ATXN2L: variants seen among roughly 807,000 people sequenced by gnomAD.
ATXN2L encodes ataxin 2 like.
In ATXN2L, 24 loss-of-function variants were observed where a neutral mutation model predicts 120.7. The ratio of observed to expected loss-of-function variants is 0.20; its 90% CI spans 0.14 to 0.28. The LOEUF is 0.28. Ranked by LOEUF, ATXN2L falls within the 10% of genes least tolerant of loss-of-function variation. The probability of loss-of-function intolerance (pLI) is 1.00; values close to 1 mark genes in which losing one functional copy is unlikely to be tolerated. For synonymous variants in ATXN2L, 653 were observed against 568.1 expected (o/e 1.15, Z -2.13); for missense variants, 1,312 against 1,432.3 (o/e 0.92, Z 1.36).
chr16:28,826,378 T>C lies in ATXN2L; in HGVS notation c.604T>C (p.Tyr202His). The change falls in exon 5 of 22, where the codon TAT (tyrosine) becomes CAT (histidine). Residue 202 changes from tyrosine to histidine, a missense_variant. Tyr to His is a moderately conservative substitution (Grantham distance 83, BLOSUM62 2). Coordinates refer to ENST00000336783, the MANE Select transcript of ATXN2L (RefSeq NM_007245.4). ...TCACTTCCGAAATGTTGACTTCAAC[T>C]ATGCTACTAAAGGTATTGTCCTAGG... ...LVHFRNVDFN[Y>H]ATKDKFTDSA... 6.2e-7 allele frequency: 1 copy of C among 1,614,206 alleles called. No homozygotes were observed. The highest frequency in any genetic ancestry group is 8.5e-7 in the Non-Finnish European group (1 of 1,180,022).
At chr16:28,824,878 C>G (rs146601305) in intron 1 of ATXN2L, among the ~76,000 whole-genome samples, 3 of 152,028 alleles carry the variant, frequency 2.0e-5, no homozygotes, top group Non-Finnish European at 4.4e-5. Context: ...TTATTAATGT[C>G]TATTTTTTTC....
chr16:28,824,113 C>T, intron 1 of ATXN2L: 3 of 1,015,508 alleles, frequency 3.0e-6, no homozygotes, highest in African/African-American at 1.7e-5. Context: ...GGGAGGACTG[C>T]GGGCCGGGAG....
At chr16:28,826,182 T>C in intron 4 of ATXN2L, 58 bp from the exon 5 acceptor site, 1 of 1,594,236 alleles carries the variant, frequency 6.3e-7, no homozygotes, top group Non-Finnish European at 8.6e-7. Flanking sequence ...CCAGTTCTAT[T>C]TTTGCCTTCA....
Position 28,836,609 on chromosome 16 carries a change from C to G in ATXN2L, c.*344C>G. ...TGTGCTTCTGACAGCCCCCGAGACA[C>G]CTTGAGGAGGCCGCTCCTTCCCAGA... On this transcript the variant is annotated 3_prime_UTR_variant, in exon 22 of 22. Transcript: ENST00000336783. 4 of 1,592,224 alleles carry G rather than the reference C, an allele frequency of 2.5e-6. No individual in the cohort carries two copies. The South Asian group carries it at 3.4e-5, about 13-fold the overall frequency.
At chr16:28,824,082 GGGACGGAAGGAGGGATGACTGGGA>G (rs2050719785) in intron 1 of ATXN2L, 1 of 1,005,570 alleles carries the variant, frequency 9.9e-7, no homozygotes, top group African/African-American at 1.7e-5. Context: ...GGTGGGCGGG[GGGACGGAAGGAGGGATGACTGGGA>G]GGACTGCGGG....
At chr16:28,831,105 G>T in intron 10 of ATXN2L, 33 bp downstream of exon 10, 2 of 1,428,264 alleles carry the variant, frequency 1.4e-6, no homozygotes. Context: ...TGAAGAAATG[G>T]ATGGAAATTT....
At chr16:28,826,661 T>C in intron 5 of ATXN2L, 1 of 674,206 alleles carries the variant, frequency 1.5e-6, no homozygotes, top group Non-Finnish European at 2.3e-6. Flanking sequence ...CTTTTTTCTT[T>C]GGAATCATAG....
chr16:28,825,557 A>AT (rs1483024253), intron 2 of ATXN2L, 67 bp from the exon 3 acceptor site: 1 of 1,568,074 alleles, frequency 6.4e-7, no homozygotes, highest in Non-Finnish European at 8.8e-7. Context: ...TGCGGCGGGC[A>AT]TTTAGAAAAG....
rs1404739325 is a variant in ATXN2L at position 28,832,264 on chromosome 16, T to G, written c.1381T>G (p.Ser461Ala). 1 of 1,614,050 alleles carries G rather than the reference T, an allele frequency of 6.2e-7. No homozygotes were observed. Among genetic ancestry groups the G allele is most frequent in the Non-Finnish European group, 8.5e-7 (1 of 1,180,040 alleles). Residue 461 changes from serine to alanine, a missense_variant, in exon 11 of 22, where the codon TCC (serine) becomes GCC (alanine). Coordinates refer to ENST00000336783, the MANE Select transcript of ATXN2L (RefSeq NM_007245.4). ...TGCTGCCCCTGCCCCAATCTCAGCT[T>G]CCTGTCCAGAGCCTCCCATCGGCTC... is the stretch of plus-strand genomic sequence containing the variant. ...KSAAPAPISA[S>A]CPEPPIGSAV... is the part of the protein sequence containing the mutation.
At chr16:28,827,480 C>G (rs184625656) in intron 6 of ATXN2L, among the ~76,000 whole-genome samples, 1 of 152,152 alleles carries the variant, frequency 6.6e-6, no homozygotes, top group Non-Finnish European at 1.5e-5. Context: ...ATTAACCACT[C>G]CTAGCATTTG....
At chr16:28,823,742 C>T in intron 1 of ATXN2L, 184 bp downstream of exon 1, 1 of 581,094 alleles carries the variant, frequency 1.7e-6, no homozygotes, top group Non-Finnish European at 2.5e-6. Flanking sequence ...CGGGCGGCCA[C>T]CGGAGCACTG....
chr16:28,827,755 C>G (rs1023674562), intron 6 of ATXN2L, among the ~76,000 whole-genome samples: 1 of 151,996 alleles, frequency 6.6e-6, no homozygotes, highest in African/African-American at 2.4e-5. Context: ...AAATAAAAAC[C>G]GCTCATGAAT....
Position 28,833,103 on chromosome 16 carries a change from T to C in ATXN2L, c.1704T>C (p.Pro568=). The C allele has an allele frequency of 1.9e-6, 3 of 1,614,190 alleles. No individual in the cohort carries two copies. Among genetic ancestry groups the C allele is most frequent in the Non-Finnish European group, 2.5e-6 (3 of 1,180,010 alleles). Residue 568 remains proline, a synonymous_variant, in exon 14 of 22, where the codon CCT becomes CCC. Transcript: ENST00000336783. ...CTGAGAACAGCCTGGATCCTTTTCC[T>C]CCCCGGATCTTAAAGGAGGAGCCCA... is the stretch of plus-strand genomic sequence containing the variant. ...SSPENSLDPF[P]PRILKEEPKG... is the part of the protein sequence containing the mutation.
Position 28,835,041 on chromosome 16 carries a change from T to C in ATXN2L, c.2434-17T>C, listed in dbSNP as rs1231256642. ...AGCTGGCGGCTGTGCCAACCACTCC[T>C]CTCTCTGTCCCGCCAGCCGGTGTTT... On this transcript the variant is annotated splice_polypyrimidine_tract_variant and intron_variant, in intron 18 of 21. Coordinates refer to ENST00000336783, the MANE Select transcript of ATXN2L (RefSeq NM_007245.4). The C allele has an allele frequency of 6.2e-7, 1 of 1,602,842 alleles. No individual in the cohort carries two copies. The highest frequency in any genetic ancestry group is 8.5e-7 in the Non-Finnish European group (1 of 1,174,026).
At chr16:28,826,052 T>C (rs931396352) in intron 4 of ATXN2L, 188 bp from the exon 5 acceptor site, 1 of 832,024 alleles carries the variant, frequency 1.2e-6, no homozygotes, top group Non-Finnish European at 1.8e-6. Flanking sequence ...TGTGAGACTT[T>C]TGCTAAGTCC....
At chr16:28,828,959 TCTC>T (rs1469766618) in intron 6 of ATXN2L, among the ~76,000 whole-genome samples, 1 of 152,084 alleles carries the variant, frequency 6.6e-6, no homozygotes, top group Non-Finnish European at 1.5e-5. Context: ...GTCAGGTTGA[TCTC>T]CTGACCTCAG....
At chr16:28,826,705 C>T (rs1444778052) in intron 5 of ATXN2L, 157 bp from the exon 6 acceptor site, 6 of 848,184 alleles carry the variant, frequency 7.1e-6, no homozygotes. Flanking sequence ...TCTTCTCTTG[C>T]CTCCCCACCC....
chr16:28,825,742 ACT>A (rs1169378240), intron 3 of ATXN2L, 26 bp from the exon 4 acceptor site: 1 of 1,613,258 alleles, frequency 6.2e-7, no homozygotes, highest in African/African-American at 1.3e-5. Context: ...TTCTGGAGAC[ACT>A]CTTCTTATTT....
chr16:28,830,456 C>T (rs12443881), intron 8 of ATXN2L, among the ~76,000 whole-genome samples, 159 bp from the exon 9 acceptor site: 43,737 of 151,952 alleles, frequency 0.29, 8,022 homozygotes, highest in Non-Finnish European at 0.39. Flanking sequence ...AGCCACAGAA[C>T]GTTAAACTAG....
Sources: gnomAD v4.1 joint callset for allele counts (sites outside exome capture counted in the v4.1 genomes callset) on GRCh38, gnomAD v4.1.1 for gene constraint, MANE v1.5 for transcripts, NCBI Gene and HGNC (gene_info 2026-07-23, HGNC 2026-07-21) for gene names.